The following GRID2 variants were observed in gnomAD, a reference collection of about 807,000 sequenced individuals.
GRID2 encodes glutamate receptor ionotropic, delta-2.
Under a neutral mutation model 114.8 loss-of-function variants are expected in GRID2, and 33 were observed. The observed-to-expected ratio is 0.29, with a 90% CI of 0.22 to 0.38. The LOEUF (loss-of-function observed/expected upper bound fraction) is 0.38. GRID2 is among the 10% of genes least tolerant of loss of function. The probability of loss-of-function intolerance (pLI) is 1.00; values close to 1 mark genes in which losing one functional copy is unlikely to be tolerated. For missense variants in GRID2, 1,184 were observed against 1,257.7 expected, an observed-to-expected ratio of 0.94 and a Z score of 0.89; for synonymous variants, 505 against 449.9, an observed-to-expected ratio of 1.12 and a Z score of -1.55.
At chr4:93,265,325 G>A (rs1750702487) in intron 8 of GRID2, among the ~76,000 whole-genome samples, 1 of 152,086 alleles carries the variant, frequency 6.6e-6, no homozygotes. Context: ...CAAGATTTAG[G>A]AAAGCTTCTC....
chr4:92,944,143 C>T (rs1373059201), intron 2 of GRID2, among the ~76,000 whole-genome samples: 6 of 152,202 alleles, frequency 3.9e-5, no homozygotes, highest in African/African-American at 1.4e-4. Flanking sequence ...GCAGAGTTTT[C>T]TGCTGCCTTT....
At chr4:92,545,944 G>A (rs1350704417) in intron 1 of GRID2, among the ~76,000 whole-genome samples, 3 of 152,042 alleles carry the variant, frequency 2.0e-5, no homozygotes. Flanking sequence ...TTTCCTCAAT[G>A]CAACTTTATT....
At chr4:92,557,645 T>TTATATATA (rs138046427) in intron 1 of GRID2, among the ~76,000 whole-genome samples, 3,207 of 142,616 alleles carry the variant, frequency 0.022, 66 homozygotes, top group African/African-American at 0.031. Context: ...ATATATATGG[T>TTATATATA]TATATATATA....
rs537989084 is a variant in GRID2, at chr4:92,472,739, T to C, written c.89-117392T>C. On this transcript the variant is annotated intron_variant, in intron 1 of 15. Coordinates refer to ENST00000282020, the MANE Select transcript of GRID2 (RefSeq NM_001510.4). ...TTTTCCTTCATTGTTTCAATGTCTC[T>C]TCAAAGTTTTGCCTGTCTTAAAATT... 3.6e-3 allele frequency among the ~76,000 whole-genome samples: 545 copies of C among 152,262 alleles called. 2 individuals carry two copies. Among genetic ancestry groups the C allele is most frequent in the Non-Finnish European group, 6.3e-3 (427 of 67,986 alleles).
At chr4:93,249,605 T>G (rs893980858) in intron 8 of GRID2, among the ~76,000 whole-genome samples, 2 of 151,934 alleles carry the variant, frequency 1.3e-5, no homozygotes, top group Non-Finnish European at 2.9e-5. Context: ...TTGTAAGTTG[T>G]ATTCCTAATA....
chr4:92,351,731 C>T (rs1436489292), intron 1 of GRID2, among the ~76,000 whole-genome samples: 4 of 151,752 alleles, frequency 2.6e-5, no homozygotes, highest in Non-Finnish European at 5.9e-5. Context: ...AGTATTTTGG[C>T]CTCCACATAT....
intron 2 of GRID2, among the ~76,000 whole-genome samples, chr4:92,882,539 G>C (rs189484553): frequency 1.3e-5 from 2 of 151,424 alleles, no homozygotes; most frequent in Non-Finnish European, 1.5e-5. Context: ...CTATATTAGG[G>C]GTTTTCAGTT....
At chr4:92,318,929 C>G (rs760340156) in intron 1 of GRID2, among the ~76,000 whole-genome samples, 1 of 151,892 alleles carries the variant, frequency 6.6e-6, no homozygotes, top group African/African-American at 2.4e-5. Flanking sequence ...GCAGGGAGCT[C>G]CCTTAAATGT....
At chr4:92,560,006 C>G (rs1388875599) in intron 1 of GRID2, among the ~76,000 whole-genome samples, 1 of 152,218 alleles carries the variant, frequency 6.6e-6, no homozygotes, top group East Asian at 1.9e-4. Flanking sequence ...TTACATTTTC[C>G]TAACATCTGT....
chr4:92,338,354 A>G (rs1727293799), intron 1 of GRID2, among the ~76,000 whole-genome samples: 2 of 152,338 alleles, frequency 1.3e-5, no homozygotes, highest in South Asian at 2.1e-4. Flanking sequence ...AAGTTTTTCA[A>G]TGAAGAGTAT....
chr4:92,311,795 A>C (rs1725719243), intron 1 of GRID2, among the ~76,000 whole-genome samples: 1 of 152,080 alleles, frequency 6.6e-6, no homozygotes, highest in South Asian at 2.1e-4. Context: ...TTTATTCAGC[A>C]AACATTTTAT....
At chr4:93,104,241 A>G (rs1731981198) in intron 3 of GRID2, among the ~76,000 whole-genome samples, 4 of 152,194 alleles carry the variant, frequency 2.6e-5, no homozygotes, top group Admixed American at 2.0e-4. Flanking sequence ...GTTAGTTTCT[A>G]TTGCTGGTGT....
intron 4 of GRID2, among the ~76,000 whole-genome samples, chr4:93,166,669 T>A (rs532189985): frequency 6.6e-6 from 1 of 152,246 alleles, no homozygotes; most frequent in South Asian, 2.1e-4. Flanking sequence ...CATGTAGGGA[T>A]AATGCAGGGA....
chr4:92,352,208 G>A (rs777800491), intron 1 of GRID2, among the ~76,000 whole-genome samples: 1 of 151,640 alleles, frequency 6.6e-6, no homozygotes, highest in Non-Finnish European at 1.5e-5. Flanking sequence ...AGATGATATG[G>A]CATTGTGGTT....
chr4:92,829,493 T>C lies in GRID2; in HGVS notation c.244+239207T>C, dbSNP rs573807490. Among the ~76,000 whole-genome samples the C allele has an allele frequency of 8.2e-4, 125 of 152,056 alleles. 1 individual carries two copies. Among genetic ancestry groups the C allele is most frequent in the Middle Eastern group, 3.4e-3 (1 of 294 alleles). On this transcript the variant is annotated intron_variant, in intron 2 of 15. Coordinates refer to ENST00000282020, the MANE Select transcript of GRID2 (RefSeq NM_001510.4). ...AACACCTTTACACTGTTGGTGGGAG[T>C]GTAAATTAGTTGAACCATTGTGGAA...
At chr4:93,665,792 A>G (rs1434722689) in intron 14 of GRID2, among the ~76,000 whole-genome samples, 2 of 152,112 alleles carry the variant, frequency 1.3e-5, no homozygotes, top group Non-Finnish European at 2.9e-5. Context: ...TTTGTGTTAC[A>G]TTCTATGTTC....
At chr4:93,237,179 A>G (rs927228691) in intron 7 of GRID2, among the ~76,000 whole-genome samples, 4 of 151,920 alleles carry the variant, frequency 2.6e-5, no homozygotes, top group Non-Finnish European at 5.9e-5. Context: ...ATGAAAATCC[A>G]CTAGGATTTT....
chr4:93,657,893 A>G (rs1327808948), intron 14 of GRID2, among the ~76,000 whole-genome samples: 2 of 152,218 alleles, frequency 1.3e-5, no homozygotes, highest in Non-Finnish European at 2.9e-5. Flanking sequence ...TTTGAGGGCA[A>G]TCAAGATGTT....
chr4:93,346,233 T>A (rs569041252), intron 8 of GRID2, among the ~76,000 whole-genome samples: 1 of 152,160 alleles, frequency 6.6e-6, no homozygotes, highest in Non-Finnish European at 1.5e-5. Context: ...CTTTTTTATT[T>A]ATGGCAACAG....
Sources: allele counts gnomAD v4.1 joint callset (sites outside exome capture counted in the v4.1 genomes callset), GRCh38; gene constraint gnomAD v4.1.1; transcripts MANE v1.5; gene names NCBI Gene and HGNC (gene_info 2026-07-23, HGNC 2026-07-21).